The following HERC2 variants were observed in gnomAD, a reference collection of about 807,000 sequenced individuals.
HERC2 encodes the protein HECT and RLD domain containing E3 ubiquitin protein ligase 2, also known as E3 ubiquitin-protein ligase HERC2.
HERC2 carries 102 observed loss-of-function variants against 537.7 expected under a neutral mutation model. The ratio of observed to expected loss-of-function variants is 0.19; its 90% CI spans 0.16 to 0.22. HERC2 has a LOEUF of 0.22. HERC2 is among the 10% of genes least tolerant of loss of function. The pLI is 1.00. For missense variants in HERC2, 4,236 were observed against 6,198.2 expected (o/e 0.68, Z 10.63); for synonymous variants, 2,224 against 2,466.2 (o/e 0.90, Z 2.91).
chr15:28,256,352 C>T (rs2075261153), intron 17 of HERC2, 35 bp from the exon 18 acceptor site: 2 of 1,392,994 alleles, frequency 1.4e-6, no homozygotes, highest in Admixed American at 2.0e-5. Flanking sequence ...CTTAGAACCC[C>T]TAAAAATGAG....
intron 4 of HERC2, among the ~76,000 whole-genome samples, chr15:28,281,894 C>T (rs1390534796): frequency 6.6e-6 from 1 of 152,048 alleles, no homozygotes; most frequent in African/African-American, 2.4e-5. Context: ...AATACATCTC[C>T]CTTCTGCTTG....
chr15:28,159,631 G>A (rs1203289500), intron 69 of HERC2, among the ~76,000 whole-genome samples: 5 of 152,090 alleles, frequency 3.3e-5, no homozygotes, highest in African/African-American at 7.2e-5. Context: ...TTAGCCATTC[G>A]TCTAATCTTT....
chr15:28,140,989 G>C (rs1891165735), intron 78 of HERC2, among the ~76,000 whole-genome samples: 1 of 151,566 alleles, frequency 6.6e-6, no homozygotes, highest in African/African-American at 2.4e-5. Context: ...TGTAATCCCA[G>C]CACTTTGGAA....
At chr15:28,267,059 T>G (rs1401157496) in intron 12 of HERC2, among the ~76,000 whole-genome samples, 1 of 152,192 alleles carries the variant, frequency 6.6e-6, no homozygotes, top group African/African-American at 2.4e-5. Context: ...TGAAGAAATT[T>G]CAAAGTTAGC....
intron 83 of HERC2, among the ~76,000 whole-genome samples, chr15:28,129,591 G>A (rs1889883496): frequency 6.6e-6 from 1 of 152,248 alleles, no homozygotes; most frequent in African/African-American, 2.4e-5. Context: ...CACCAGCAGA[G>A]GGCCAAGCCT....
At chr15:28,219,243 G>A (rs1157006730) in intron 37 of HERC2, among the ~76,000 whole-genome samples, 1 of 152,220 alleles carries the variant, frequency 6.6e-6, no homozygotes, top group African/African-American at 2.4e-5. Flanking sequence ...GGAGTGGGGC[G>A]ACCAGACGCT....
intron 43 of HERC2, among the ~76,000 whole-genome samples, chr15:28,211,489 C>G (rs1899224544): frequency 1.3e-5 from 2 of 152,138 alleles, no homozygotes; most frequent in Admixed American, 6.5e-5. Context: ...CACTCTTCTT[C>G]TAAGACTCCT....
Position 28,228,282 on chromosome 15 carries a change from G to A in HERC2, c.5400C>T (p.Asn1800=). The change falls in exon 35 of 93, where the codon AAC becomes AAT. Residue 1800 remains asparagine, a synonymous_variant. Coordinates refer to ENST00000261609, the MANE Select transcript of HERC2 (RefSeq NM_004667.6). ...CGGAATTGAGCAGAAGGTCGAGGTT[G>A]TTTGCGCCGTGCTGCAGGGTGAGCA... The part of the protein sequence containing the change: ...LSMLTLQHGA[N]NLDLLLNSGM... 1 of 1,613,276 alleles carries A rather than the reference G, an allele frequency of 6.2e-7. No individual in the cohort carries two copies.
rs529722206 is a variant in HERC2, at chr15:28,206,561, C to T, written c.7070-179G>A. Among the ~76,000 whole-genome samples the T allele has an allele frequency of 2.1e-3, 312 of 151,514 alleles. 1 individual carries two copies. Among genetic ancestry groups the T allele is most frequent in the Non-Finnish European group, 3.4e-3 (234 of 67,960 alleles). ...CAAAAACTAGACTCTAGGTTGGGTG[C>T]GGTGGCTCACGCGTGTAATCCCTGC... On this transcript the variant is annotated intron_variant, in intron 44 of 92. Coordinates refer to ENST00000261609, the MANE Select transcript of HERC2 (RefSeq NM_004667.6).
Position 28,194,184 on chromosome 15 carries a change from G to A in HERC2, c.8260+2031C>T, listed in dbSNP as rs572606489. On this transcript the variant is annotated intron_variant, in intron 52 of 92. Transcript: ENST00000261609. ...GGGTTCACGCCATTCTCCCGCTTCAGCCTCCCGAGTAGCTGGGACTACAGG... is the reference window on the plus strand; with the variant it reads ...GGGTTCACGCCATTCTCCCGCTTCAACCTCCCGAGTAGCTGGGACTACAGG... Among the ~76,000 whole-genome samples, 443 of 150,528 alleles carry A rather than the reference G, an allele frequency of 2.9e-3. 6 individuals are homozygous for A. Among genetic ancestry groups the A allele is most frequent in the African/African-American group, 0.01 (425 of 41,042 alleles).
At chr15:28,253,646 G>A (rs1052140909) in intron 20 of HERC2, among the ~76,000 whole-genome samples, 2 of 152,198 alleles carry the variant, frequency 1.3e-5, no homozygotes, top group Non-Finnish European at 2.9e-5. Flanking sequence ...ATCTTAATAT[G>A]AAAACCAATA....
In HERC2 at chr15:28,163,191, A is replaced by G. The variant is rs140289168; in HGVS notation, c.10649T>C (p.Val3550Ala). The change falls in exon 69 of 93, where the codon GTA (valine) becomes GCA (alanine). Residue 3550 changes from valine (V) to alanine (A), a missense_variant. Transcript: ENST00000261609. ...LLIADDTRVV[V>A]DLLKLSVCSR... ...GCACACTGACAGCTTGAGCAGGTCT[A>G]CCACCACACGAGTGTCATCCGCAAT... 6.2e-7 allele frequency: 1 copy of G among 1,613,682 alleles called. No individual in the cohort carries two copies. Among genetic ancestry groups the G allele is most frequent in the African/African-American group, 1.3e-5 (1 of 74,918 alleles).
intron 7 of HERC2, 62 bp downstream of exon 7, chr15:28,274,228 TA>T (rs2075812283): frequency 6.4e-7 from 1 of 1,565,962 alleles, no homozygotes; most frequent in South Asian, 1.1e-5. Context: ...GCAAGGGTGG[TA>T]AGAACCAGCC....
chr15:28,212,221 T>G (rs1197210038), intron 43 of HERC2, among the ~76,000 whole-genome samples: 3 of 152,276 alleles, frequency 2.0e-5, no homozygotes, highest in African/African-American at 4.8e-5. Flanking sequence ...GTGTGAGCCA[T>G]GGGGTTCTTC....
Position 28,176,501 on chromosome 15 carries a change from G to A in HERC2, c.9613C>T (p.Gln3205Ter), listed in dbSNP as rs767337503. The A allele has an allele frequency of 1.2e-6, 2 of 1,614,144 alleles. No homozygotes were observed. Among genetic ancestry groups the A allele is most frequent in the Non-Finnish European group, 8.5e-7 (1 of 1,180,022 alleles). ...IPQNIERLNG[Q>*]GVCQIECGAQ... is the part of the protein sequence containing the mutation. Reference sequence around the variant, plus strand: ...CCACACTCAATCTGGCACACCCCCTGTCCATTTAGTCTCTCAATGTTCTGG... The same window carrying A: ...CCACACTCAATCTGGCACACCCCCTATCCATTTAGTCTCTCAATGTTCTGG... The change falls in exon 63 of 93, where the codon CAG becomes TAG. Residue 3205 changes from glutamine to a stop codon, truncating the protein, a stop_gained. Coordinates refer to ENST00000261609, the MANE Select transcript of HERC2 (RefSeq NM_004667.6). LOFTEE classifies it high-confidence loss of function. This position sits in a 1 kb window ranked among gnomAD's most constrained non-coding sequence, Gnocchi z 5.0.
chr15:28,219,872 T>C (rs936783936), intron 37 of HERC2, among the ~76,000 whole-genome samples: 4 of 152,018 alleles, frequency 2.6e-5, no homozygotes, highest in African/African-American at 9.7e-5. Context: ...CGAAACCTCC[T>C]CCCGCAACCT....
chr15:28,271,151 A>G (rs1483007424), intron 9 of HERC2, among the ~76,000 whole-genome samples: 1 of 152,182 alleles, frequency 6.6e-6, no homozygotes, highest in Non-Finnish European at 1.5e-5. Flanking sequence ...TAACATGACC[A>G]AACCACCCTA....
At chr15:28,317,730 T>C (rs183832501) in intron 2 of HERC2, among the ~76,000 whole-genome samples, 2 of 152,298 alleles carry the variant, frequency 1.3e-5, no homozygotes, top group African/African-American at 4.8e-5. Context: ...TAGTTACATT[T>C]ACAGACCCTT....
rs1902641990 is a variant in HERC2, at chr15:28,238,006, C to A, written c.3852+108G>T. The A allele has an allele frequency of 7.2e-6, 6 of 833,116 alleles. No individual in the cohort carries two copies. In the South Asian group the frequency reaches 8.0e-5, roughly 11 times the overall value. 51.6% of individuals were successfully genotyped at this position (833,116 alleles called of 1,614,324 possible). On this transcript the variant is annotated intron_variant, in intron 25 of 92. Transcript: ENST00000261609. ...GATCTTTATATTTATCCCTAATGCC[C>A]CACAAAAGACCCAGATATCAGTACT...
Sources: gnomAD v4.1 joint callset for allele counts (sites outside exome capture counted in the v4.1 genomes callset) on GRCh38, gnomAD v4.1.1 for gene constraint, Gnocchi (gnomAD v3.1) non-coding constraint, MANE v1.5 for transcripts, NCBI Gene and HGNC (gene_info 2026-07-23, HGNC 2026-07-21) for gene names.